The following COX4I1 variants were observed in gnomAD, a reference collection of about 807,000 sequenced individuals.
COX4I1 encodes cytochrome c oxidase subunit 4I1, also known as cytochrome c oxidase subunit 4 isoform 1, mitochondrial.
In COX4I1, 18 loss-of-function variants were observed where a neutral mutation model predicts 21.7. The ratio of observed to expected loss-of-function variants is 0.83; its 90% CI spans 0.57 to 1.23. The LOEUF (loss-of-function observed/expected upper bound fraction) is 1.23. Among genes scored for constraint, COX4I1 ranks in the 50% most tolerant of loss-of-function variants. The pLI, the probability that COX4I1 is intolerant of heterozygous loss-of-function variation, is 0.00. For missense variants in COX4I1, 238 were observed against 220.7 expected (o/e 1.08, Z -0.50); for synonymous variants, 100 against 81.5 (o/e 1.23, Z -1.23).
rs1906160168 is a variant in COX4I1, at chr16:85,805,882, A to G, written c.373+18A>G. 6.2e-7 allele frequency: 1 copy of G among 1,613,722 alleles called. No individual in the cohort carries two copies. Among genetic ancestry groups the G allele is most frequent in the East Asian group, 2.2e-5 (1 of 44,876 alleles). ...GCACTATGGTGAGTAGAGAGGGAGGAAGGCATGGGCGCCTGGACTGGGGCT... is the reference window on the plus strand; with the variant it reads ...GCACTATGGTGAGTAGAGAGGGAGGGAGGCATGGGCGCCTGGACTGGGGCT... On this transcript the variant is annotated intron_variant, in intron 4 of 4. Coordinates refer to ENST00000253452, the MANE Select transcript of COX4I1 (RefSeq NM_001861.6).
chr16:85,801,171 A>G, intron 1 of COX4I1, 34 bp from the exon 2 acceptor site: 1 of 1,561,374 alleles, frequency 6.4e-7, no homozygotes, highest in Non-Finnish European at 8.8e-7. Flanking sequence ...GTTTGTCCTT[A>G]TTCATAGAGA....
chr16:85,804,416 G>A (rs1906004384), intron 2 of COX4I1: 1 of 152,704 alleles, frequency 6.5e-6, no homozygotes, highest in East Asian at 1.9e-4. Flanking sequence ...GAGTGCAGCG[G>A]TGCGATCTCA....
chr16:85,800,372 CAT>C (rs1280249288), intron 1 of COX4I1, among the ~76,000 whole-genome samples: 2 of 152,234 alleles, frequency 1.3e-5, no homozygotes, highest in Non-Finnish European at 1.5e-5. Context: ...GGGGGGGTCT[CAT>C]AGGTTTTCCG....
intron 4 of COX4I1, chr16:85,806,380 A>G (rs1239603675): frequency 2.9e-6 from 2 of 683,432 alleles, no homozygotes; most frequent in Non-Finnish European, 2.7e-6. Context: ...TGCATTCTGA[A>G]TAGGTATATT....
In COX4I1 at chr16:85,805,649, G is replaced by A. The variant is rs1327792906; in HGVS notation, c.242-84G>A. ...CTGTGTTTCCTCCTTCACAAGTGTGGTTTTGGGGAGAAGTGGTTGAATGTT... is the reference window on the plus strand; with the variant it reads ...CTGTGTTTCCTCCTTCACAAGTGTGATTTTGGGGAGAAGTGGTTGAATGTT... On this transcript the variant is annotated intron_variant, in intron 3 of 4. Transcript: ENST00000253452. The A allele has an allele frequency of 3.2e-6, 5 of 1,585,252 alleles. No homozygotes were observed. The Admixed American group carries it at 6.8e-5, about 22-fold the overall frequency.
rs771065408 is a variant in COX4I1, at chr16:85,804,992, C to G, written c.129C>G (p.Asp43Glu). 1.9e-6 allele frequency: 3 copies of G among 1,614,024 alleles called. No individual in the cohort carries two copies. The highest frequency in any genetic ancestry group is 1.7e-5 in the Admixed American group (1 of 60,006). ...FSLPAYMDRRDHPLPEVAHVK... is the reference protein window; with the variant it reads ...FSLPAYMDRREHPLPEVAHVK... ...TCCCAGCTTATATGGATCGGCGTGACCACCCCTTGCCGGAGGTGGCCCATG... is the reference window on the plus strand; with the variant it reads ...TCCCAGCTTATATGGATCGGCGTGAGCACCCCTTGCCGGAGGTGGCCCATG... The change falls in exon 3 of 5, where the codon GAC becomes GAG. Residue 43 changes from aspartate to glutamate, a missense_variant. Coordinates refer to ENST00000253452, the MANE Select transcript of COX4I1 (RefSeq NM_001861.6).
rs1905545799 is a variant in COX4I1 at position 85,799,919 on chromosome 16, T to G, written c.-2+167T>G. ...AGGCCGGCCCGTGGGGACTCCGGGC[T>G]CGGTGGCTCCAGGCTCGGGGGGCCG... On this transcript the variant is annotated intron_variant, in intron 1 of 4. Transcript: ENST00000253452. This position sits in a 1 kb window ranked among gnomAD's most constrained non-coding sequence, Gnocchi z 4.2. 1 of 152,124 alleles carries G rather than the reference T, an allele frequency of 6.6e-6. No homozygotes were observed. The highest frequency in any genetic ancestry group is 6.5e-5 in the Admixed American group (1 of 15,278). The allele number at this position is 152,124 out of a possible 1,614,324, so 9.4% of individuals were successfully genotyped here. A position where few individuals can be genotyped will look rare whatever the true frequency, so the allele number is the denominator to read the frequency against.
chr16:85,806,872 TGA>T lies in COX4I1; in HGVS notation c.*3_*4del. On this transcript the variant is annotated frameshift_variant and stop_lost, in exon 5 of 5. Transcript: ENST00000253452. LOFTEE classifies it high-confidence loss of function. ...WDYEKNEWKK[*>X] is the part of the protein sequence containing the mutation. The stretch of plus-strand genomic sequence containing the variant: ...CTACGAAAAGAACGAGTGGAAGAAG[TGA>T]GAGATGCTGGCCTGCGCCTGCACCT... The T allele has an allele frequency of 6.2e-7, 1 of 1,612,770 alleles. No homozygotes were observed. The highest frequency in any genetic ancestry group is 8.5e-7 in the Non-Finnish European group (1 of 1,179,210).
At chr16:85,806,709 C>G (rs1170425678) in intron 4 of COX4I1, 29 bp from the exon 5 acceptor site, 1 of 1,613,976 alleles carries the variant, frequency 6.2e-7, no homozygotes, top group East Asian at 2.2e-5. Flanking sequence ...TTGAGATAGT[C>G]TTGCCCCATA....
At chr16:85,802,482 T>C (rs1288372999) in intron 2 of COX4I1, among the ~76,000 whole-genome samples, 1 of 152,262 alleles carries the variant, frequency 6.6e-6, no homozygotes, top group East Asian at 1.9e-4. Flanking sequence ...TGCAGGCTCT[T>C]AGACAAGTCT....
intron 3 of COX4I1, 159 bp from the exon 4 acceptor site, chr16:85,805,574 C>T (rs2152084159): frequency 9.8e-7 from 1 of 1,021,646 alleles, no homozygotes. Flanking sequence ...CACGTGTGTG[C>T]ACGTACGTGC....
intron 2 of COX4I1, chr16:85,803,492 T>C (rs1905925588): frequency 2.6e-5 from 4 of 152,240 alleles, no homozygotes; most frequent in Non-Finnish European, 5.9e-5. Context: ...CAGTGTGTAA[T>C]ACAAAGAGTT....
At position 85,805,004 on chromosome 16, in the gene COX4I1, G is replaced by A. The variant is rs762932616; in HGVS notation, c.141G>A (p.Pro47=). The A allele has an allele frequency of 1.3e-5, 21 of 1,614,006 alleles. No individual in the cohort carries two copies. The highest frequency in any genetic ancestry group is 6.7e-5 in the East Asian group (3 of 44,902). ...TGGATCGGCGTGACCACCCCTTGCC[G>A]GAGGTGGCCCATGTCAAGCACCTGT... ...AYMDRRDHPL[P]EVAHVKHLSA... is the part of the protein sequence containing the mutation. The change falls in exon 3 of 5, where the codon CCG becomes CCA. Residue 47 remains proline, a synonymous_variant. Transcript: ENST00000253452.
At chr16:85,804,092 A>G (rs1905977477) in intron 2 of COX4I1, 1 of 152,270 alleles carries the variant, frequency 6.6e-6, no homozygotes, top group Non-Finnish European at 1.5e-5. Flanking sequence ...TGTGCTCTGA[A>G]TGAATGGCTC....
chr16:85,806,126 C>T lies in COX4I1; in HGVS notation c.373+262C>T, dbSNP rs1027556758. The T allele has an allele frequency of 4.4e-5, 26 of 587,546 alleles. No individual in the cohort carries two copies. The East Asian group carries it at 5.5e-4, about 13-fold the overall frequency. The allele number at this position is 587,546 out of a possible 1,614,324, so 36.4% of individuals were successfully genotyped here. ...CTTAACTACTTTGTACAGCACACCA[C>T]GTTTTCAGTAGCAATTTATGTGCTC... On this transcript the variant is annotated intron_variant, in intron 4 of 4. Transcript: ENST00000253452.
Position 85,800,855 on chromosome 16 carries a change from C to T in COX4I1, c.-1-350C>T, listed in dbSNP as rs561392387. On this transcript the variant is annotated intron_variant, in intron 1 of 4. Coordinates refer to ENST00000253452, the MANE Select transcript of COX4I1 (RefSeq NM_001861.6). The stretch of plus-strand genomic sequence containing the variant: ...GCCAGGCTGGTCTTGAACCCCTGAC[C>T]TCAGGTGATCTGTCCGCCTCGGCCT... 1.1e-3 allele frequency among the ~76,000 whole-genome samples: 175 copies of T among 152,284 alleles called. 1 individual carries two copies. The highest frequency in any genetic ancestry group is 4.1e-3 in the African/African-American group (172 of 41,562).
intron 2 of COX4I1, 69 bp downstream of exon 2, chr16:85,801,347 C>G: frequency 7.2e-7 from 1 of 1,394,404 alleles, no homozygotes; most frequent in Non-Finnish European, 1.0e-6. Context: ...GTGTATAAAG[C>G]CCTGTGCTGG....
At position 85,804,963 on chromosome 16, in the gene COX4I1, T is replaced by C. The variant is rs539978958; in HGVS notation, c.100T>C (p.Ser34Pro). 1.2e-6 allele frequency: 2 copies of C among 1,610,144 alleles called. No individual in the cohort carries two copies. Among genetic ancestry groups the C allele is most frequent in the South Asian group, 2.2e-5 (2 of 90,344 alleles). ...HESVVKSEDF[S>P]LPAYMDRRDH... Reference sequence around the variant, plus strand: ...AAGTGTTGTGAAGAGCGAAGACTTTTCGCTCCCAGCTTATATGGATCGGCG... The same window carrying C: ...AAGTGTTGTGAAGAGCGAAGACTTTCCGCTCCCAGCTTATATGGATCGGCG... Residue 34 changes from serine (S) to proline (P), a missense_variant, in exon 3 of 5, where the codon TCG becomes CCG. Physicochemically the swap from Ser to Pro is moderately conservative, Grantham distance 74 (BLOSUM62 -1). Transcript: ENST00000253452.
At chr16:85,805,149 A>G (rs768771110) in intron 3 of COX4I1, 45 bp downstream of exon 3, 4 of 1,573,384 alleles carry the variant, frequency 2.5e-6, no homozygotes, top group Non-Finnish European at 3.4e-6. Flanking sequence ...AGCTCTCGGA[A>G]GCGTGTGTGT....
Sources: allele counts gnomAD v4.1 joint callset (sites outside exome capture counted in the v4.1 genomes callset), GRCh38; gene constraint gnomAD v4.1.1; non-coding constraint Gnocchi (gnomAD v3.1); transcripts MANE v1.5; gene names NCBI Gene and HGNC (gene_info 2026-07-23, HGNC 2026-07-21).